Variants in ERMP1 observed in about 807,000 individuals in gnomAD.
The protein encoded by ERMP1 is Felix-ina.
In ERMP1, 86 loss-of-function variants were observed where a neutral mutation model predicts 92.0. The observed-to-expected ratio is 0.93, with a 90% CI of 0.79 to 1.12. The LOEUF (loss-of-function observed/expected upper bound fraction) is 1.12, where lower values mean the gene tolerates loss of function less well. Among genes scored for constraint, ERMP1 ranks in the 50% most tolerant of loss-of-function variants. The probability of loss-of-function intolerance (pLI) is 0.00; values close to 1 mark genes in which losing one functional copy is unlikely to be tolerated. For synonymous variants in ERMP1, 530 were observed against 412.8 expected (o/e 1.28, Z -3.44); for missense variants, 1,342 against 1,116.3 (o/e 1.20, Z -2.88).
At chr9:5,815,990 C>A (rs1829289714) in intron 4 of ERMP1, among the ~76,000 whole-genome samples, 1 of 151,884 alleles carries the variant, frequency 6.6e-6, no homozygotes, top group Non-Finnish European at 1.5e-5. Flanking sequence ...GAAAACCATA[C>A]TGAAAAACAG....
intron 5 of ERMP1, among the ~76,000 whole-genome samples, chr9:5,865,837 CAA>C (rs67420468): frequency 0.018 from 1,989 of 109,560 alleles, 16 homozygotes; most frequent in African/African-American, 0.045. Flanking sequence ...GGCTCTGTCT[CAA>C]AAAAAAAAAA....
chr9:5,854,132 G>A (rs1830343288), intron 6 of ERMP1, among the ~76,000 whole-genome samples: 1 of 151,982 alleles, frequency 6.6e-6, no homozygotes, highest in Non-Finnish European at 1.5e-5. Flanking sequence ...TCTCCAGTGG[G>A]GAGAAAGAAG....
At chr9:5,808,438 C>T (rs1039804648) in intron 8 of ERMP1, among the ~76,000 whole-genome samples, 2 of 152,196 alleles carry the variant, frequency 1.3e-5, no homozygotes, top group South Asian at 2.1e-4. Flanking sequence ...CATAAGCAGA[C>T]GGCTAACCTC....
intron 10 of ERMP1, among the ~76,000 whole-genome samples, chr9:5,802,456 C>A (rs1476132016): frequency 6.6e-6 from 1 of 152,146 alleles, no homozygotes; most frequent in Non-Finnish European, 1.5e-5. Flanking sequence ...ACGATCTCAG[C>A]TCACTGCAAT....
intron 6 of ERMP1, among the ~76,000 whole-genome samples, chr9:5,851,361 T>C (rs917621841): frequency 1.3e-5 from 2 of 152,244 alleles, no homozygotes; most frequent in African/African-American, 2.4e-5. Context: ...TTTTGATTTA[T>C]TCTGACATGC....
At chr9:5,843,498 G>A (rs1281555787) in intron 6 of ERMP1, among the ~76,000 whole-genome samples, 1 of 152,156 alleles carries the variant, frequency 6.6e-6, no homozygotes, top group Non-Finnish European at 1.5e-5. Context: ...TTCCCTGAGT[G>A]GGGATCAGGT....
intron 6 of ERMP1, among the ~76,000 whole-genome samples, chr9:5,844,625 G>A (rs535897974): frequency 1.9e-4 from 29 of 152,164 alleles, no homozygotes; most frequent in African/African-American, 6.3e-4. Flanking sequence ...AGAAACTTCT[G>A]CCGTCACCTT....
chr9:5,789,914 G>A (rs1828106270), intron 13 of ERMP1, among the ~76,000 whole-genome samples: 1 of 149,930 alleles, frequency 6.7e-6, no homozygotes, highest in Admixed American at 6.7e-5. Context: ...GAGCTCCTGG[G>A]CTCAAGCCAT....
intron 6 of ERMP1, among the ~76,000 whole-genome samples, chr9:5,846,378 G>C (rs1416377894): frequency 6.6e-6 from 1 of 152,196 alleles, no homozygotes; most frequent in African/African-American, 2.4e-5. Flanking sequence ...TGACCTTAAG[G>C]AAGTCATTTC....
At chr9:5,865,592 G>A (rs1167775194) in intron 5 of ERMP1, among the ~76,000 whole-genome samples, 2 of 151,368 alleles carry the variant, frequency 1.3e-5, no homozygotes, top group Non-Finnish European at 2.9e-5. Flanking sequence ...CAACACTTTC[G>A]CAGGCCGAGG....
chr9:5,819,724 G>C (rs759805049), intron 4 of ERMP1, among the ~76,000 whole-genome samples: 18 of 152,142 alleles, frequency 1.2e-4, no homozygotes, highest in Non-Finnish European at 1.3e-4. Context: ...CTGTTATTTA[G>C]ATTAACAATC....
chr9:5,863,483 G>T (rs1383639944), intron 5 of ERMP1, among the ~76,000 whole-genome samples: 1 of 152,198 alleles, frequency 6.6e-6, no homozygotes, highest in Non-Finnish European at 1.5e-5. Context: ...GGCAAAGCCT[G>T]CCCTACCCAG....
intron 4 of ERMP1, among the ~76,000 whole-genome samples, chr9:5,818,140 A>G (rs1379402990): frequency 6.6e-6 from 1 of 151,860 alleles, no homozygotes; most frequent in Admixed American, 6.6e-5. Flanking sequence ...AGCCTAGATG[A>G]CAAAGCAAGA....
chr9:5,828,026 A>G (rs1052428214), intron 2 of ERMP1, among the ~76,000 whole-genome samples: 2 of 152,206 alleles, frequency 1.3e-5, no homozygotes, highest in Non-Finnish European at 2.9e-5. Flanking sequence ...GTTCTAGGCC[A>G]GGCACAGTGG....
At chr9:5,820,069 T>TGGGCCGATCACCTGAGC (rs1222124269) in intron 4 of ERMP1, among the ~76,000 whole-genome samples, 1 of 151,964 alleles carries the variant, frequency 6.6e-6, no homozygotes, top group Admixed American at 6.6e-5. Context: ...GGAAACTGAG[T>TGGGCCGATCACCTGAGC]GGGCCGATCA....
At chr9:5,849,455 T>C (rs564369849) in intron 6 of ERMP1, among the ~76,000 whole-genome samples, 1 of 152,218 alleles carries the variant, frequency 6.6e-6, no homozygotes, top group Non-Finnish European at 1.5e-5. Flanking sequence ...CAGGGGGTCC[T>C]GGCCAGGATT....
At chr9:5,792,633 A>C (rs1427725968) in intron 13 of ERMP1, among the ~76,000 whole-genome samples, 1 of 152,170 alleles carries the variant, frequency 6.6e-6, no homozygotes, top group Non-Finnish European at 1.5e-5. Flanking sequence ...AAGGTTTAAG[A>C]AGTGAAGGAG....
At chr9:5,806,665 C>T (rs1828885269) in intron 8 of ERMP1, among the ~76,000 whole-genome samples, 4 of 152,030 alleles carry the variant, frequency 2.6e-5, no homozygotes, top group Admixed American at 2.6e-4. Context: ...GTCTCAAACA[C>T]CTGGCCTCAA....
At chr9:5,788,375 T>C (rs972940252) in intron 13 of ERMP1, among the ~76,000 whole-genome samples, 1 of 152,052 alleles carries the variant, frequency 6.6e-6, no homozygotes, top group Non-Finnish European at 1.5e-5. Flanking sequence ...AGTATATTAT[T>C]GAAGTAACAG....
Sources: gnomAD v4.1 joint callset for allele counts (sites outside exome capture counted in the v4.1 genomes callset) on GRCh38, gnomAD v4.1.1 for gene constraint, MANE v1.5 for transcripts, NCBI Gene and HGNC (gene_info 2026-07-23, HGNC 2026-07-21) for gene names.